Variants in ZFYVE9 observed in about 807,000 individuals in gnomAD.
ZFYVE9 encodes the protein zinc finger FYVE-type containing 9.
ZFYVE9 carries 43 observed loss-of-function variants against 126.7 expected under a neutral mutation model. The ratio of observed to expected loss-of-function variants is 0.34; its 90% CI spans 0.27 to 0.44. The LOEUF (loss-of-function observed/expected upper bound fraction) is 0.44, where lower values mean the gene tolerates loss of function less well. Ranked by LOEUF, ZFYVE9 falls within the 20% of genes least tolerant of loss-of-function variation. The pLI is 1.00. For missense variants in ZFYVE9, 1,476 were observed against 1,697.0 expected, an observed-to-expected ratio of 0.87 and a Z score of 2.29; for synonymous variants, 521 against 597.4, an observed-to-expected ratio of 0.87 and a Z score of 1.87.
chr1:52,279,395 A>G (rs890475811), intron 9 of ZFYVE9, among the ~76,000 whole-genome samples: 2 of 152,240 alleles, frequency 1.3e-5, no homozygotes, highest in African/African-American at 4.8e-5. Context: ...TACATCATAA[A>G]TTGAGATTCA....
chr1:52,267,504 C>G (rs1164006117), intron 6 of ZFYVE9, among the ~76,000 whole-genome samples: 1 of 152,090 alleles, frequency 6.6e-6, no homozygotes, highest in Admixed American at 6.5e-5. Flanking sequence ...ATGATCTTAT[C>G]AAGTTTCCCT....
chr1:52,200,373 G>T (rs1644912326), intron 1 of ZFYVE9, among the ~76,000 whole-genome samples: 1 of 151,926 alleles, frequency 6.6e-6, no homozygotes, highest in African/African-American at 2.4e-5. Flanking sequence ...TAGAGACAGG[G>T]TTTTGTCATG....
At chr1:52,327,592 G>T (rs1646304409) in intron 13 of ZFYVE9, among the ~76,000 whole-genome samples, 2 of 151,442 alleles carry the variant, frequency 1.3e-5, no homozygotes, top group Non-Finnish European at 1.5e-5. Flanking sequence ...GACAGAGGGA[G>T]ACTTGTCTCA....
chr1:52,195,831 C>T (rs1297037267), intron 1 of ZFYVE9, among the ~76,000 whole-genome samples: 4 of 151,214 alleles, frequency 2.6e-5, no homozygotes, highest in African/African-American at 4.9e-5. Context: ...CTCACTCTGT[C>T]GCCCAGGCTG....
intron 8 of ZFYVE9, among the ~76,000 whole-genome samples, chr1:52,276,125 C>G (rs1415199158): frequency 1.3e-5 from 2 of 152,004 alleles, no homozygotes; most frequent in African/African-American, 2.4e-5. Flanking sequence ...CCAGGCTGGT[C>G]TTGAACTCTT....
rs1644262093 is a variant in ZFYVE9, at chr1:52,142,124, T to C, written c.-422T>C. The stretch of plus-strand genomic sequence containing the variant: ...GGAGGCTTCGCTGAGGATCCCCGCC[T>C]GCCGCACCTCGGTCGTCCCGCCGCA... On this transcript the variant is annotated 5_prime_UTR_variant, in exon 1 of 19. Transcript: ENST00000287727. The surrounding 1 kb of genome is among the most constrained non-coding windows in gnomAD (Gnocchi z 4.5). The C allele has an allele frequency of 2.0e-5, 3 of 151,256 alleles. No individual in the cohort carries two copies. Among genetic ancestry groups the C allele is most frequent in the Admixed American group, 2.0e-4 (3 of 15,182 alleles). The allele number at this position is 151,256 out of a possible 1,614,324, so 9.4% of individuals were successfully genotyped here. A position where few individuals can be genotyped will look rare whatever the true frequency, so the allele number is the denominator to read the frequency against.
chr1:52,182,560 T>C (rs1644721155), intron 1 of ZFYVE9, among the ~76,000 whole-genome samples: 1 of 151,954 alleles, frequency 6.6e-6, no homozygotes, highest in Non-Finnish European at 1.5e-5. Flanking sequence ...AGCATGCTTG[T>C]TAAGAGTCAT....
At chr1:52,175,548 G>T (rs1572074790) in intron 1 of ZFYVE9, among the ~76,000 whole-genome samples, 1 of 149,656 alleles carries the variant, frequency 6.7e-6, no homozygotes, top group South Asian at 2.2e-4. Context: ...CTGAATGTTG[G>T]CCTGCCTTGC....
intron 13 of ZFYVE9, among the ~76,000 whole-genome samples, chr1:52,327,739 C>A (rs969783754): frequency 6.6e-6 from 1 of 152,008 alleles, no homozygotes; most frequent in South Asian, 2.1e-4. Flanking sequence ...TTTGGGAGGC[C>A]GAGGTGGGTG....
intron 7 of ZFYVE9, among the ~76,000 whole-genome samples, chr1:52,270,450 G>A (rs910901035): frequency 5.9e-5 from 9 of 152,036 alleles, no homozygotes; most frequent in Non-Finnish European, 4.4e-5. Flanking sequence ...ATTTTTAGTA[G>A]AGATGGGGTT....
At chr1:52,322,164 A>G (rs1398673601) in intron 13 of ZFYVE9, among the ~76,000 whole-genome samples, 1 of 152,172 alleles carries the variant, frequency 6.6e-6, no homozygotes, top group Admixed American at 6.6e-5. Context: ...CTTTAGAGTC[A>G]TCTTTGAATC....
At chr1:52,190,521 G>A (rs76380284) in intron 1 of ZFYVE9, among the ~76,000 whole-genome samples, 4,460 of 152,282 alleles carry the variant, frequency 0.029, 95 homozygotes, top group Non-Finnish European at 0.038. Context: ...TCTGTCTCAT[G>A]TGCTGTGACC....
At chr1:52,276,202 G>A (rs529887748) in intron 8 of ZFYVE9, among the ~76,000 whole-genome samples, 9 of 152,080 alleles carry the variant, frequency 5.9e-5, no homozygotes, top group African/African-American at 9.6e-5. Context: ...TACCATGCCC[G>A]GTCTGACAAT....
intron 18 of ZFYVE9, 123 bp downstream of exon 18, chr1:52,345,067 G>C: frequency 9.3e-7 from 1 of 1,078,200 alleles, no homozygotes; most frequent in Non-Finnish European, 1.4e-6. Context: ...ACTGGATATA[G>C]TGTTTTTGGC....
At chr1:52,175,499 C>G (rs968869647) in intron 1 of ZFYVE9, among the ~76,000 whole-genome samples, 1 of 148,582 alleles carries the variant, frequency 6.7e-6, no homozygotes, top group African/African-American at 2.5e-5. Flanking sequence ...TTGCTCTTCT[C>G]GAGGAGTATC....
intron 13 of ZFYVE9, among the ~76,000 whole-genome samples, chr1:52,314,025 A>C (rs1381852052): frequency 6.6e-6 from 1 of 152,196 alleles, no homozygotes; most frequent in Non-Finnish European, 1.5e-5. Flanking sequence ...AGGAGAGAAA[A>C]GGTGGTGGAC....
At chr1:52,316,627 A>T (rs926243716) in intron 13 of ZFYVE9, among the ~76,000 whole-genome samples, 1 of 152,210 alleles carries the variant, frequency 6.6e-6, no homozygotes, top group Non-Finnish European at 1.5e-5. Context: ...TTATAAAGGG[A>T]TCAATTTATC....
At chr1:52,316,058 G>T (rs973038609) in intron 13 of ZFYVE9, among the ~76,000 whole-genome samples, 1 of 150,412 alleles carries the variant, frequency 6.6e-6, no homozygotes, top group Non-Finnish European at 1.5e-5. Flanking sequence ...CCACCTACTC[G>T]GGAGGCTGAG....
At chr1:52,315,701 C>T (rs1364228671) in intron 13 of ZFYVE9, among the ~76,000 whole-genome samples, 1 of 151,664 alleles carries the variant, frequency 6.6e-6, no homozygotes, top group Non-Finnish European at 1.5e-5. Context: ...AAAAAGATAA[C>T]AAGAGATGGG....
Sources: gnomAD v4.1 joint callset for allele counts (sites outside exome capture counted in the v4.1 genomes callset) on GRCh38, gnomAD v4.1.1 for gene constraint, Gnocchi (gnomAD v3.1) non-coding constraint, MANE v1.5 for transcripts, NCBI Gene and HGNC (gene_info 2026-07-23, HGNC 2026-07-21) for gene names.